Variants in ZNF385B observed in about 807,000 individuals in gnomAD.
ZNF385B encodes zinc finger protein 385B.
ZNF385B carries 23 observed loss-of-function variants against 39.2 expected under a neutral mutation model. The observed-to-expected ratio is 0.59, with a 90% confidence interval of 0.42 to 0.83. The LOEUF (loss-of-function observed/expected upper bound fraction) is 0.83, where lower values mean the gene tolerates loss of function less well. Among genes scored for constraint, ZNF385B ranks in the 40% least tolerant of loss-of-function variants. The probability of loss-of-function intolerance (pLI) is 0.00; values close to 1 mark genes in which losing one functional copy is unlikely to be tolerated. For synonymous variants in ZNF385B, 205 were observed against 222.6 expected (o/e 0.92, Z 0.70); for missense variants, 552 against 598.9 (o/e 0.92, Z 0.82).
At chr2:179,500,820 T>A (rs1486767526) in intron 5 of ZNF385B, among the ~76,000 whole-genome samples, 1 of 152,010 alleles carries the variant, frequency 6.6e-6, no homozygotes, top group Non-Finnish European at 1.5e-5. Context: ...TAGAATGGGA[T>A]AAAACATCTG....
In ZNF385B at chr2:179,665,044, A is replaced by T. The variant is rs140002941; in HGVS notation, c.298+104459T>A. On this transcript the variant is annotated intron_variant, in intron 3 of 9. Transcript: ENST00000410066. ...AATCCCATTTAAAAACTTTATAGTA[A>T]GTAAATCTTGAGAACTAGACAAATT... 4.6e-3 allele frequency among the ~76,000 whole-genome samples: 708 copies of T among 152,308 alleles called. 8 individuals are homozygous for T. The highest frequency in any genetic ancestry group is 0.015 in the African/African-American group (634 of 41,552).
chr2:179,565,170 C>T (rs1684412918), intron 3 of ZNF385B, among the ~76,000 whole-genome samples: 1 of 152,174 alleles, frequency 6.6e-6, no homozygotes, highest in Non-Finnish European at 1.5e-5. Context: ...CCTACTCAAA[C>T]ATCTCCTGTG....
chr2:179,524,324 C>G (rs1232740151), intron 4 of ZNF385B, among the ~76,000 whole-genome samples: 1 of 151,454 alleles, frequency 6.6e-6, no homozygotes, highest in African/African-American at 2.4e-5. Flanking sequence ...AAGCTGAGGC[C>G]GGCGGATCAC....
intron 3 of ZNF385B, among the ~76,000 whole-genome samples, chr2:179,761,142 T>C (rs1305367111): frequency 6.6e-6 from 1 of 152,180 alleles, no homozygotes; most frequent in Non-Finnish European, 1.5e-5. Flanking sequence ...TACTTTAACA[T>C]ATAGTAAGCC....
chr2:179,758,576 A>G (rs1436674241), intron 3 of ZNF385B, among the ~76,000 whole-genome samples: 2 of 152,234 alleles, frequency 1.3e-5, no homozygotes, highest in African/African-American at 4.8e-5. Flanking sequence ...AGAGACACAA[A>G]CATTCAAACC....
intron 3 of ZNF385B, among the ~76,000 whole-genome samples, chr2:179,761,589 T>TA (rs1347069965): frequency 6.6e-6 from 1 of 151,890 alleles, no homozygotes; most frequent in African/African-American, 2.4e-5. Context: ...AATTGATTTT[T>TA]TTTTTTTGAG....
chr2:179,695,415 GA>G (rs1202222538), intron 3 of ZNF385B, among the ~76,000 whole-genome samples: 1 of 151,860 alleles, frequency 6.6e-6, no homozygotes, highest in Admixed American at 6.6e-5. Flanking sequence ...CACAGAATGG[GA>G]AAAAATATAT....
chr2:179,629,133 A>T (rs995354229), intron 3 of ZNF385B, among the ~76,000 whole-genome samples: 6 of 152,138 alleles, frequency 3.9e-5, no homozygotes, highest in African/African-American at 1.4e-4. Context: ...TTCCAGACCC[A>T]GTCCTAGAAA....
At chr2:179,822,051 C>T (rs1295657007) in intron 1 of ZNF385B, among the ~76,000 whole-genome samples, 1 of 152,142 alleles carries the variant, frequency 6.6e-6, no homozygotes, top group Non-Finnish European at 1.5e-5. Flanking sequence ...AAATGATCAC[C>T]TTCAAAGAAG....
intron 3 of ZNF385B, among the ~76,000 whole-genome samples, chr2:179,700,706 T>C (rs1329277819): frequency 6.6e-6 from 1 of 152,130 alleles, no homozygotes; most frequent in Non-Finnish European, 1.5e-5. Flanking sequence ...ATGAGTGCCA[T>C]TTTTACAATA....
intron 3 of ZNF385B, among the ~76,000 whole-genome samples, chr2:179,727,497 CT>C (rs1701096685): frequency 6.6e-6 from 1 of 152,010 alleles, no homozygotes. Context: ...ATGGCTACAT[CT>C]GCCCTTTTAA....
chr2:179,711,494 C>T (rs1699993855), intron 3 of ZNF385B, among the ~76,000 whole-genome samples: 1 of 152,108 alleles, frequency 6.6e-6, no homozygotes, highest in Admixed American at 6.6e-5. Flanking sequence ...GCAGATGTAC[C>T]TGATAGCAAG....
chr2:179,487,195 C>A (rs1411267681), intron 5 of ZNF385B, among the ~76,000 whole-genome samples: 1 of 152,246 alleles, frequency 6.6e-6, no homozygotes, highest in Non-Finnish European at 1.5e-5. Flanking sequence ...AGCTAAGTGA[C>A]ACTTCACTGG....
intron 3 of ZNF385B, among the ~76,000 whole-genome samples, chr2:179,598,629 T>G (rs917956726): frequency 6.6e-5 from 10 of 152,106 alleles, no homozygotes; most frequent in Non-Finnish European, 1.0e-4. Flanking sequence ...GAGGTGGTGG[T>G]GAAAATATGC....
At chr2:179,852,821 T>G (rs1051316983) in intron 1 of ZNF385B, among the ~76,000 whole-genome samples, 4 of 152,216 alleles carry the variant, frequency 2.6e-5, no homozygotes, top group Non-Finnish European at 5.9e-5. Flanking sequence ...ATTCCATGAA[T>G]CTGTATCTTT....
chr2:179,504,894 C>A (rs1254445515), intron 5 of ZNF385B, among the ~76,000 whole-genome samples: 1 of 151,948 alleles, frequency 6.6e-6, no homozygotes, highest in Non-Finnish European at 1.5e-5. Flanking sequence ...CTAAACCATT[C>A]ATGAGAAATC....
At chr2:179,555,387 A>G (rs2060839507) in intron 3 of ZNF385B, among the ~76,000 whole-genome samples, 2 of 149,492 alleles carry the variant, frequency 1.3e-5, no homozygotes, top group Admixed American at 1.3e-4. Context: ...CTAGGATGCC[A>G]GAAATGTTCT....
chr2:179,630,276 A>G (rs4414648), intron 3 of ZNF385B, among the ~76,000 whole-genome samples: 67,757 of 152,098 alleles, frequency 0.45, 16,465 homozygotes, highest in Middle Eastern at 0.54. Context: ...GCTGACAGAC[A>G]CCTCACATAG....
intron 5 of ZNF385B, among the ~76,000 whole-genome samples, chr2:179,505,854 C>T (rs1373822973): frequency 6.6e-6 from 1 of 152,050 alleles, no homozygotes; most frequent in African/African-American, 2.4e-5. Flanking sequence ...AATCAGTCTA[C>T]TTTTTATCAT....
Sources: allele counts gnomAD v4.1 joint callset (sites outside exome capture counted in the v4.1 genomes callset), GRCh38; gene constraint gnomAD v4.1.1; transcripts MANE v1.5; gene names NCBI Gene and HGNC (gene_info 2026-07-23, HGNC 2026-07-21).